NAV3: variants seen among roughly 807,000 people sequenced by gnomAD.
The protein encoded by NAV3 is neuron navigator 3.
In NAV3, 87 loss-of-function variants were observed where a neutral mutation model predicts 244.7. The ratio of observed to expected loss-of-function variants is 0.36; its 90% CI spans 0.30 to 0.42. The LOEUF is 0.42. NAV3 is among the 20% of genes least tolerant of loss of function. The pLI is 1.00. For missense variants in NAV3, 2,663 were observed against 2,893.3 expected, an observed-to-expected ratio of 0.92 and a Z score of 1.83; for synonymous variants, 1,126 against 1,042.2, an observed-to-expected ratio of 1.08 and a Z score of -1.55.
At chr12:78,201,063 C>T (rs1203118084) in intron 38 of NAV3, among the ~76,000 whole-genome samples, 3 of 74,210 alleles carry the variant, frequency 4.0e-5, no homozygotes, top group East Asian at 4.3e-4. Flanking sequence ...TTCTTTGTTT[C>T]TTCTCCTTCT....
chr12:78,081,644 T>C (rs1013679807), intron 12 of NAV3, among the ~76,000 whole-genome samples: 5 of 152,166 alleles, frequency 3.3e-5, no homozygotes, highest in Non-Finnish European at 5.9e-5. Flanking sequence ...AATCTGGAAG[T>C]GGGAGAGAGG....
At chr12:78,195,973 C>A (rs1239777499) in intron 34 of NAV3, among the ~76,000 whole-genome samples, 2 of 152,016 alleles carry the variant, frequency 1.3e-5, no homozygotes, top group African/African-American at 2.4e-5. Context: ...TACTTAAACT[C>A]CATTGATAGC....
At chr12:77,777,217 T>C (rs10735299) in intron 2 of NAV3, among the ~76,000 whole-genome samples, 144,514 of 152,236 alleles carry the variant, frequency 0.95, 69,018 homozygotes, top group East Asian at 1. Context: ...AACATAGGCA[T>C]ACTAGGAGAT....
chr12:77,598,037 A>G (rs959026185), intron 2 of NAV3, among the ~76,000 whole-genome samples: 4 of 152,078 alleles, frequency 2.6e-5, no homozygotes, highest in Admixed American at 1.3e-4. Context: ...CTCTATTTCA[A>G]TTGTATAACA....
At chr12:78,162,868 A>AT (rs1957604490) in intron 23 of NAV3, among the ~76,000 whole-genome samples, 2 of 140,028 alleles carry the variant, frequency 1.4e-5, no homozygotes, top group East Asian at 2.0e-4. Flanking sequence ...TCTCAAAAAA[A>AT]AATATATATA....
intron 2 of NAV3, among the ~76,000 whole-genome samples, chr12:77,721,175 GA>G (rs1305152689): frequency 1.3e-5 from 2 of 152,106 alleles, no homozygotes; most frequent in Admixed American, 6.6e-5. Flanking sequence ...TTTCATTTAT[GA>G]AGTGTGGATA....
chr12:77,844,397 A>T (rs1302770442), intron 1 of NAV3, among the ~76,000 whole-genome samples: 2 of 152,224 alleles, frequency 1.3e-5, no homozygotes, highest in East Asian at 3.8e-4. Flanking sequence ...TAAAGCTATC[A>T]CATTGGTGAT....
chr12:78,045,752 A>G (rs1566056618), intron 9 of NAV3, among the ~76,000 whole-genome samples: 1 of 152,190 alleles, frequency 6.6e-6, no homozygotes, highest in African/African-American at 2.4e-5. Context: ...TCATAAAATG[A>G]GTTAGGGAGG....
intron 5 of NAV3, among the ~76,000 whole-genome samples, chr12:77,987,193 C>T (rs974872484): frequency 6.6e-6 from 1 of 151,968 alleles, no homozygotes; most frequent in African/African-American, 2.4e-5. Context: ...TCTATAATAT[C>T]TTGGAAATCT....
chr12:78,110,719 C>A (rs1278593841), intron 12 of NAV3, among the ~76,000 whole-genome samples: 1 of 151,610 alleles, frequency 6.6e-6, no homozygotes, highest in African/African-American at 2.4e-5. Context: ...TACACACATA[C>A]ATGTATATAT....
chr12:78,120,179 G>T (rs1189415115), intron 15 of NAV3, among the ~76,000 whole-genome samples: 2 of 107,664 alleles, frequency 1.9e-5, no homozygotes, highest in African/African-American at 7.3e-5. Context: ...CACTGTCATT[G>T]TGATACTAGC....
At chr12:77,976,045 A>G (rs34489323) in intron 5 of NAV3, among the ~76,000 whole-genome samples, 18,286 of 152,222 alleles carry the variant, frequency 0.12, 1,362 homozygotes, top group Non-Finnish European at 0.16. Flanking sequence ...TCTAGCATGG[A>G]TAAGGAGGCT....
At chr12:77,630,870 A>G (rs1044358570) in intron 2 of NAV3, among the ~76,000 whole-genome samples, 3 of 152,324 alleles carry the variant, frequency 2.0e-5, no homozygotes, top group Admixed American at 6.5e-5. Context: ...TGCTCATTAA[A>G]CAGATTGTAC....
In NAV3 at chr12:77,951,765, T is replaced by G. The variant is rs568562290; in HGVS notation, c.414+10632T>G. ...TAAAAAAGGGTGAGTTCATGTCCTT[T>G]GTAGGGACATGGATGAAGCTGGAAA... On this transcript the variant is annotated intron_variant, in intron 3 of 39. Transcript: ENST00000397909. 2.0e-5 allele frequency among the ~76,000 whole-genome samples: 3 copies of G among 152,302 alleles called. No individual in the cohort carries two copies. The East Asian group carries it at 5.8e-4, about 29-fold the overall frequency.
intron 37 of NAV3, 24 bp downstream of exon 37, chr12:78,199,555 C>T (rs2140017180): frequency 6.5e-7 from 1 of 1,529,454 alleles, no homozygotes; most frequent in South Asian, 1.3e-5. Context: ...TTATAATATG[C>T]CATTTTCCAG....
At chr12:77,812,343 A>G (rs1032062634) in intron 2 of NAV3, among the ~76,000 whole-genome samples, 2 of 152,124 alleles carry the variant, frequency 1.3e-5, no homozygotes, top group African/African-American at 2.4e-5. Flanking sequence ...CTAAACTTTC[A>G]TTATCATTTC....
chr12:77,807,083 G>T (rs1467311688), intron 2 of NAV3, among the ~76,000 whole-genome samples: 1 of 152,092 alleles, frequency 6.6e-6, no homozygotes, highest in Non-Finnish European at 1.5e-5. Flanking sequence ...TTGCACATGA[G>T]GTGGCTCTCC....
At chr12:78,037,551 T>TA (rs1281990698) in intron 9 of NAV3, among the ~76,000 whole-genome samples, 2 of 150,084 alleles carry the variant, frequency 1.3e-5, no homozygotes, top group Admixed American at 6.7e-5. Context: ...TTTTTTTTTT[T>TA]AATTTTTTGG....
At chr12:78,149,043 C>T in intron 22 of NAV3, 124 bp downstream of exon 22, 1 of 779,342 alleles carries the variant, frequency 1.3e-6, no homozygotes, top group African/African-American at 1.8e-5. Flanking sequence ...ACTAGCAGGA[C>T]TCATAAAAAG....
Sources: allele counts gnomAD v4.1 joint callset (sites outside exome capture counted in the v4.1 genomes callset), GRCh38; gene constraint gnomAD v4.1.1; transcripts MANE v1.5; gene names NCBI Gene and HGNC (gene_info 2026-07-23, HGNC 2026-07-21).